The following SATB2 variants were observed in gnomAD, a reference collection of about 807,000 sequenced individuals.
The protein encoded by SATB2 is DNA-binding protein SATB2.
SATB2 carries 1 observed loss-of-function variant against 73.4 expected under a neutral mutation model. That is an observed-to-expected ratio of 0.01 (90% confidence interval 0.00 to 0.06). The LOEUF (loss-of-function observed/expected upper bound fraction) is 0.06, where lower values mean the gene tolerates loss of function less well. SATB2 is among the 10% of genes least tolerant of loss of function. SATB2 has a pLI of 1.00. For synonymous variants in SATB2, 397 were observed against 367.0 expected, an observed-to-expected ratio of 1.08 and a Z score of -0.93; for missense variants, 459 against 945.8, an observed-to-expected ratio of 0.49 and a Z score of 6.75.
Position 199,463,841 on chromosome 2 carries a change from G to T in SATB2, c.-141+995C>A, listed in dbSNP as rs1692534614. On this transcript the variant is annotated intron_variant, in intron 1 of 11. Transcript: ENST00000260926. This position sits in a 1 kb window ranked among gnomAD's most constrained non-coding sequence, Gnocchi z 6.4. ...GGTCCGCACCCCAAATTTCAGGCAG[G>T]CCAGCAGGCGTCCAGAAATCCGCTC... Among the ~76,000 whole-genome samples, 1 of 152,220 alleles carries T rather than the reference G, an allele frequency of 6.6e-6. No homozygotes were observed.
At chr2:199,318,197 T>C (rs1277248327) in intron 9 of SATB2, among the ~76,000 whole-genome samples, 1 of 152,032 alleles carries the variant, frequency 6.6e-6, no homozygotes, top group Admixed American at 6.6e-5. Context: ...TTATGGCCTA[T>C]AGTTTCTGTT....
rs1181471682 is a variant in SATB2 at position 199,464,256 on chromosome 2, C to G, written c.-141+580G>C. ...CCCCCACCCCGTGGTGCCTTCCCTC[C>G]CCGCCCTACAGCCAAGCCCAGAGGA... On this transcript the variant is annotated intron_variant, in intron 1 of 11. Transcript: ENST00000260926. This position sits in a 1 kb window ranked among gnomAD's most constrained non-coding sequence, Gnocchi z 6.6. Among the ~76,000 whole-genome samples, 1 of 152,202 alleles carries G rather than the reference C, an allele frequency of 6.6e-6. No homozygotes were observed. The highest frequency in any genetic ancestry group is 1.5e-5 in the Non-Finnish European group (1 of 68,034).
At chr2:199,390,869 A>G (rs1335967421) in intron 3 of SATB2, among the ~76,000 whole-genome samples, 2 of 152,206 alleles carry the variant, frequency 1.3e-5, no homozygotes, top group Non-Finnish European at 2.9e-5. Flanking sequence ...ATTGTCCTCC[A>G]GGCATATTGT....
At chr2:199,395,233 C>T (rs1222476695) in intron 3 of SATB2, among the ~76,000 whole-genome samples, 1 of 152,142 alleles carries the variant, frequency 6.6e-6, no homozygotes, top group Non-Finnish European at 1.5e-5. Flanking sequence ...TTATCATAAA[C>T]ACCTTATAAT....
intron 3 of SATB2, among the ~76,000 whole-genome samples, chr2:199,389,375 G>C (rs770746871): frequency 2.0e-5 from 3 of 151,508 alleles, no homozygotes; most frequent in Non-Finnish European, 2.9e-5. Flanking sequence ...AGTGGAAAAT[G>C]AAACAGCATT....
At chr2:199,337,992 A>C (rs1574520111) in intron 7 of SATB2, among the ~76,000 whole-genome samples, 1 of 152,320 alleles carries the variant, frequency 6.6e-6, no homozygotes, top group East Asian at 1.9e-4. Context: ...TTTTAATAAA[A>C]ATCATACTGT....
At chr2:199,399,770 AACTCACTCACTC>A (rs1357242916) in intron 3 of SATB2, among the ~76,000 whole-genome samples, 6 of 152,106 alleles carry the variant, frequency 3.9e-5, no homozygotes, top group Non-Finnish European at 8.8e-5. Flanking sequence ...ATCTCACGGT[AACTCACTCACTC>A]ACTCACTATT....
intron 10 of SATB2, among the ~76,000 whole-genome samples, chr2:199,274,809 C>T (rs892584743): frequency 7.3e-6 from 1 of 136,966 alleles, no homozygotes. Flanking sequence ...TAATTATACC[C>T]GGCAGGAAAA....
At chr2:199,299,960 T>C (rs1285064661) in intron 10 of SATB2, among the ~76,000 whole-genome samples, 3 of 151,780 alleles carry the variant, frequency 2.0e-5, no homozygotes, top group Admixed American at 6.6e-5. Flanking sequence ...AGATTTATTG[T>C]TGTTGTTTTT....
chr2:199,357,579 T>G (rs573679614), intron 6 of SATB2, among the ~76,000 whole-genome samples: 207 of 152,300 alleles, frequency 1.4e-3, no homozygotes, highest in Middle Eastern at 3.4e-3. Flanking sequence ...TGCCTATGAT[T>G]TAAAGTGCAT....
At chr2:199,282,275 A>T (rs1042574255) in intron 10 of SATB2, among the ~76,000 whole-genome samples, 5 of 152,156 alleles carry the variant, frequency 3.3e-5, no homozygotes, top group Non-Finnish European at 7.4e-5. Flanking sequence ...TTAGCAAAAG[A>T]ATGTTTAAAA....
At chr2:199,386,141 A>T (rs1689925450) in intron 3 of SATB2, among the ~76,000 whole-genome samples, 1 of 152,204 alleles carries the variant, frequency 6.6e-6, no homozygotes, top group Non-Finnish European at 1.5e-5. Flanking sequence ...GAGAACCAGA[A>T]GCAATTCATA....
rs1370225219 is a variant in SATB2, at chr2:199,402,214, G to A, written c.347-20394C>T. The stretch of plus-strand genomic sequence containing the variant: ...ATCCTGGCCAACATGGTGAAACCCC[G>A]TCTCTACTAAAAATACAAAAATTAG... On this transcript the variant is annotated intron_variant, in intron 3 of 10. Coordinates refer to ENST00000417098, the MANE Select transcript of SATB2 (RefSeq NM_001172509.2). Among the ~76,000 whole-genome samples, 7 of 152,118 alleles carry A rather than the reference G, an allele frequency of 4.6e-5. No individual in the cohort carries two copies. In the East Asian group the frequency reaches 1.2e-3, roughly 25 times the overall value.
At chr2:199,368,508 TA>T in intron 6 of SATB2, 96 bp downstream of exon 6, 1 of 762,702 alleles carries the variant, frequency 1.3e-6, no homozygotes. Flanking sequence ...AAAAATTACG[TA>T]AATTGTATCT....
At chr2:199,277,672 G>A (rs1053576009) in intron 10 of SATB2, among the ~76,000 whole-genome samples, 2 of 152,174 alleles carry the variant, frequency 1.3e-5, no homozygotes, top group African/African-American at 2.4e-5. Flanking sequence ...AAGGTTCACA[G>A]TAATGAAATA....
Position 199,455,954 on chromosome 2 carries a change from TGGGGGAGGCCCCTTGACGTCC to T in SATB2, c.63_83del (p.Asp22_Pro28del). ...TCTGCTCCAGCCGGGCCACCTTCAC[TGGGGGAGGCCCCTTGACGTCC>T]GGGCTGCCGCTCCGCCGGTCGGGGC... On this transcript the variant is annotated inframe_deletion, in exon 2 of 11. Transcript: ENST00000417098. This position sits in a 1 kb window ranked among gnomAD's most constrained non-coding sequence, Gnocchi z 4.1. 6.5e-7 allele frequency: 1 copy of T among 1,538,520 alleles called. No individual in the cohort carries two copies. The highest frequency in any genetic ancestry group is 1.4e-5 in the African/African-American group (1 of 73,180).
upstream of SATB2, chr2:199,458,405 G>A (rs1200121982): frequency 5.5e-6 from 2 of 365,022 alleles, no homozygotes; most frequent in African/African-American, 2.3e-5. Context: ...GCGGGGTGAC[G>A]AGGACCTCAT....
intron 5 of SATB2, among the ~76,000 whole-genome samples, chr2:199,371,975 G>A (rs530705045): frequency 2.6e-5 from 4 of 152,064 alleles, no homozygotes; most frequent in African/African-American, 9.7e-5. Context: ...GAGGGTACAC[G>A]TATAATGGGC....
intron 2 of SATB2, among the ~76,000 whole-genome samples, chr2:199,438,350 G>A (rs1471272788): frequency 6.6e-6 from 1 of 152,100 alleles, no homozygotes; most frequent in East Asian, 1.9e-4. Context: ...CTGATACTAG[G>A]CCAATAGTGT....
Sources: gnomAD v4.1 joint callset for allele counts (sites outside exome capture counted in the v4.1 genomes callset) on GRCh38, gnomAD v4.1.1 for gene constraint, Gnocchi (gnomAD v3.1) non-coding constraint, MANE v1.5 for transcripts, NCBI Gene and HGNC (gene_info 2026-07-23, HGNC 2026-07-21) for gene names.